The following HYCC2 variants were observed in gnomAD, a reference collection of about 807,000 sequenced individuals.
HYCC2 encodes the protein hyccin 2.
At chr2:200,999,476 C>A in the HYCC2 span, among the ~76,000 whole-genome samples, 1 of 151,690 alleles carries the variant, frequency 6.6e-6, no homozygotes, top group Non-Finnish European at 1.5e-5. Context: ...ACCTCCGCCT[C>A]CCAGGTTCAA....
At chr2:201,029,810 T>C in the HYCC2 span, among the ~76,000 whole-genome samples, 1 of 152,082 alleles carries the variant, frequency 6.6e-6, no homozygotes, top group Non-Finnish European at 1.5e-5. Flanking sequence ...GGATAGCCAT[T>C]AGGAGAAATA....
At chr2:201,022,232 G>A in the HYCC2 span, 4 of 484,174 alleles carry the variant, frequency 8.3e-6, no homozygotes, top group Middle Eastern at 9.9e-4. Context: ...AAGATAATGT[G>A]TGTATTTTGC....
At chr2:201,001,750 G>T in the HYCC2 span, among the ~76,000 whole-genome samples, 2 of 151,928 alleles carry the variant, frequency 1.3e-5, no homozygotes. Flanking sequence ...TCGGCTCACT[G>T]CAACCTCCGC....
chr2:200,980,899 A>G, the HYCC2 span: 1 of 200,998 alleles, frequency 5.0e-6, no homozygotes, highest in Non-Finnish European at 1.0e-5. Context: ...CAAAAGCCAA[A>G]GAATCGTTTC....
At chr2:200,994,620 T>C in the HYCC2 span, among the ~76,000 whole-genome samples, 1 of 152,204 alleles carries the variant, frequency 6.6e-6, no homozygotes, top group Admixed American at 6.5e-5. Flanking sequence ...AGTACATACA[T>C]AGTTTTTCAA....
chr2:201,068,429 G>T, the HYCC2 span, among the ~76,000 whole-genome samples: 3 of 152,172 alleles, frequency 2.0e-5, no homozygotes, highest in Non-Finnish European at 4.4e-5. Flanking sequence ...TACCACAAGT[G>T]CTAGAGCCTT....
At chr2:201,045,447 A>G in the HYCC2 span, 1 of 397,772 alleles carries the variant, frequency 2.5e-6, no homozygotes, top group East Asian at 3.6e-5. Flanking sequence ...GTCTAATGAT[A>G]TAGAAAATTT....
chr2:200,987,512 C>T, the HYCC2 span: 18 of 1,289,600 alleles, frequency 1.4e-5, no homozygotes, highest in Middle Eastern at 2.1e-4. Flanking sequence ...GAGTCAGCCT[C>T]GTTTGAGAAG....
chr2:201,032,965 T>C, the HYCC2 span, among the ~76,000 whole-genome samples: 1 of 152,192 alleles, frequency 6.6e-6, no homozygotes, highest in Non-Finnish European at 1.5e-5. Context: ...AATCAAGAAG[T>C]CTATGTTTTA....
the HYCC2 span, chr2:200,997,409 A>G: frequency 7.3e-7 from 1 of 1,372,744 alleles, no homozygotes; most frequent in Non-Finnish European, 1.0e-6. Context: ...TATCTATCAA[A>G]TAAATATGAA....
At chr2:201,040,686 T>C in the HYCC2 span, among the ~76,000 whole-genome samples, 1 of 152,040 alleles carries the variant, frequency 6.6e-6, no homozygotes, top group Non-Finnish European at 1.5e-5. Flanking sequence ...GGTTTCACCA[T>C]GTTGGCCAGG....
the HYCC2 span, among the ~76,000 whole-genome samples, chr2:201,029,063 A>C: frequency 6.6e-6 from 1 of 152,240 alleles, no homozygotes; most frequent in South Asian, 2.1e-4. Context: ...CCCATCTAAC[A>C]AAGGGCTAAT....
chr2:201,001,356 TA>T, the HYCC2 span, among the ~76,000 whole-genome samples: 2 of 152,258 alleles, frequency 1.3e-5, no homozygotes, highest in Non-Finnish European at 1.5e-5. Context: ...CAGTCTAAGG[TA>T]TTTTGTTATA....
At chr2:200,997,655 C>G in the HYCC2 span, 1 of 638,816 alleles carries the variant, frequency 1.6e-6, no homozygotes, top group Admixed American at 2.8e-5. Context: ...ATCAATATAG[C>G]ATCTTCCTCA....
chr2:200,981,115 G>T, the HYCC2 span: 2 of 843,120 alleles, frequency 2.4e-6, no homozygotes, highest in Non-Finnish European at 3.7e-6. This position sits in a 1 kb window ranked among gnomAD's most constrained non-coding sequence, Gnocchi z 4.5. Context: ...AAACCTTATT[G>T]CTGTTTTGAT....
At chr2:201,050,318 A>T in the HYCC2 span, among the ~76,000 whole-genome samples, 1 of 152,226 alleles carries the variant, frequency 6.6e-6, no homozygotes, top group Admixed American at 6.5e-5. Context: ...GCTGAAAGAA[A>T]CAGAATATCC....
At chr2:200,999,016 T>C in the HYCC2 span, among the ~76,000 whole-genome samples, 3 of 152,190 alleles carry the variant, frequency 2.0e-5, no homozygotes, top group African/African-American at 7.2e-5. Context: ...CTGGGAGCCC[T>C]AGCTGTGATG....
At chr2:200,984,800 C>T in the HYCC2 span, among the ~76,000 whole-genome samples, 1 of 152,170 alleles carries the variant, frequency 6.6e-6, no homozygotes, top group Admixed American at 6.5e-5. Context: ...AGAAGGATCA[C>T]TAAGTCCAGG....
the HYCC2 span, among the ~76,000 whole-genome samples, chr2:201,025,708 T>C: frequency 6.6e-6 from 1 of 151,880 alleles, no homozygotes; most frequent in South Asian, 2.1e-4. Flanking sequence ...TGGTTTGGAG[T>C]ACAGGGCACA....
Sources: allele counts gnomAD v4.1 joint callset (sites outside exome capture counted in the v4.1 genomes callset), GRCh38; gene constraint gnomAD v4.1.1; non-coding constraint Gnocchi (gnomAD v3.1); transcripts MANE v1.5; gene names NCBI Gene and HGNC (gene_info 2026-07-23, HGNC 2026-07-21).